Variants in CP observed in about 807,000 individuals in gnomAD.
The protein encoded by CP is caeruloplasmin.
In CP, 64 loss-of-function variants were observed where a neutral mutation model predicts 122.4. That is an observed-to-expected ratio of 0.52 (90% CI 0.43 to 0.64). The LOEUF is 0.64. CP is among the 30% of genes least tolerant of loss of function. The pLI is 0.00. For synonymous variants in CP, 440 were observed against 436.4 expected (o/e 1.01, Z -0.10); for missense variants, 1,167 against 1,284.4 (o/e 0.91, Z 1.40).
Position 149,177,871 on chromosome 3 carries a change from A to T in CP, c.2987T>A (p.Val996Glu). 6.2e-7 allele frequency: 1 copy of T among 1,613,808 alleles called. No individual in the cohort carries two copies. The highest frequency in any genetic ancestry group is 8.5e-7 in the Non-Finnish European group (1 of 1,179,710). Residue 996 changes from valine (V) to glutamate (E), a missense_variant, in exon 17 of 19, where the codon GTA (valine) becomes GAA (glutamate). This residue lies in a region of CP where 525 missense variants were observed against 657.2 expected (regional missense o/e 0.80). Transcript: ENST00000264613. ...TTGGAAGCTATGGCCGTGAAAATGTACAGTGTGTAAGTCTATTTCATTGCC... is the reference window on the plus strand; with the variant it reads ...TTGGAAGCTATGGCCGTGAAAATGTTCAGTGTGTAAGTCTATTTCATTGCC... The part of the protein sequence containing the change: ...GMGNEIDLHT[V>E]HFHGHSFQYK...
intron 9 of CP, among the ~76,000 whole-genome samples, chr3:149,190,895 T>C (rs1322878957): frequency 1.3e-5 from 2 of 152,110 alleles, no homozygotes; most frequent in African/African-American, 4.8e-5. Context: ...AATGAGAAAT[T>C]CTAAATCAAA....
intron 11 of CP, chr3:149,186,202 A>C (rs1405795749): frequency 2.5e-6 from 1 of 397,598 alleles, no homozygotes; most frequent in Non-Finnish European, 4.7e-6. Context: ...TATGGGAGTC[A>C]TTCCCCTTCT....
At chr3:149,197,513 GA>G (rs112132448) in intron 9 of CP, among the ~76,000 whole-genome samples, 402 of 142,634 alleles carry the variant, frequency 2.8e-3, no homozygotes, top group African/African-American at 7.2e-3. Context: ...AAGCAGTCTT[GA>G]AAAAAAAAAA....
chr3:149,174,411 T>C (rs1374705813), intron 18 of CP, among the ~76,000 whole-genome samples: 1 of 152,216 alleles, frequency 6.6e-6, no homozygotes, highest in African/African-American at 2.4e-5. Context: ...TCTATACACG[T>C]CTGTGTGTGT....
rs575336314 is a variant in CP at position 149,196,545 on chromosome 3, T to C, written c.1713+1822A>G. Reference sequence around the variant, plus strand: ...GTTCTGGCTCCGAAAATGTGCAAAATGAGCCTGGTGTCTCGTTATACTAGA... The same window carrying C: ...GTTCTGGCTCCGAAAATGTGCAAAACGAGCCTGGTGTCTCGTTATACTAGA... On this transcript the variant is annotated intron_variant, in intron 9 of 18. Coordinates refer to ENST00000264613, the MANE Select transcript of CP (RefSeq NM_000096.4). Among the ~76,000 whole-genome samples the C allele has an allele frequency of 4.6e-5, 7 of 152,296 alleles. No homozygotes were observed. In the East Asian group the frequency reaches 1.3e-3, roughly 29 times the overall value.
intron 13 of CP, among the ~76,000 whole-genome samples, chr3:149,182,525 A>C (rs1725853476): frequency 6.6e-6 from 1 of 152,082 alleles, no homozygotes; most frequent in South Asian, 2.1e-4. Flanking sequence ...CTAGGGGTTG[A>C]GGATAACCAA....
In CP at chr3:149,188,201, T is replaced by G. The variant is rs1726304295; in HGVS notation, c.1715A>C (p.Lys572Thr). 6.2e-7 allele frequency: 1 copy of G among 1,610,512 alleles called. No homozygotes were observed. Among genetic ancestry groups the G allele is most frequent in the Non-Finnish European group, 8.5e-7 (1 of 1,178,882 alleles). ...KGSLHANGRQ[K>T]DVDKEFYLFP... ...CAAATAGAATTCCTTGTCTACATCT[T>G]TCTGTAAATCAAAACAAAATGAGAT... Residue 572 changes from lysine (K) to threonine (T), a missense_variant and splice_region_variant, in exon 10 of 19, where the codon AAA (lysine) becomes ACA (threonine). By Grantham distance (78) the Lys-to-Thr change is moderately conservative. Transcript: ENST00000264613.
chr3:149,175,589 AC>A (rs1439991876), intron 18 of CP, among the ~76,000 whole-genome samples: 1 of 151,968 alleles, frequency 6.6e-6, no homozygotes, highest in African/African-American at 2.4e-5. Context: ...AACTCGAAAG[AC>A]CCAGGAAAGA....
chr3:149,167,955 G>T, downstream of CP: 1 of 1,592,086 alleles, frequency 6.3e-7, no homozygotes, highest in Non-Finnish European at 8.6e-7. Context: ...GTGGAGAGAA[G>T]TATCAACTCT....
chr3:149,205,544 T>C (rs1210522828), intron 6 of CP, among the ~76,000 whole-genome samples: 1 of 152,000 alleles, frequency 6.6e-6, no homozygotes, highest in African/African-American at 2.4e-5. Context: ...ATACATACAA[T>C]GAAGCATTAT....
intron 18 of CP, chr3:149,175,968 A>G (rs1448989377): frequency 2.7e-6 from 1 of 365,980 alleles, no homozygotes. Flanking sequence ...GGTAAATAAC[A>G]TGACTACTCC....
chr3:149,202,232 C>A lies in CP; in HGVS notation c.1218G>T (p.Ala406=), dbSNP rs17847016. ...ENLTAPGSDS[A]VFFEQGTTRI... ...TTGTGGTACCTTGTTCAAAAAACAC[C>A]GCTGAGTCACTGCAGGGGGAAAAAA... Residue 406 remains alanine, a synonymous_variant, in exon 7 of 19, where the codon GCG becomes GCT. Coordinates refer to ENST00000264613, the MANE Select transcript of CP (RefSeq NM_000096.4). The A allele has an allele frequency of 3.1e-6, 5 of 1,614,108 alleles. No individual in the cohort carries two copies. Among genetic ancestry groups the A allele is most frequent in the East Asian group, 4.5e-5 (2 of 44,874 alleles).
intron 4 of CP, chr3:149,166,981 G>C: frequency 7.4e-7 from 1 of 1,352,054 alleles, no homozygotes; most frequent in Admixed American, 1.7e-5. Flanking sequence ...TGCATGTTGT[G>C]TTTTAGTTTT....
intron 7 of CP, chr3:149,200,105 C>A: frequency 2.0e-6 from 1 of 509,246 alleles, no homozygotes. Flanking sequence ...CATTTTTGTA[C>A]AAGTCAGTTA....
chr3:149,183,521 G>A lies in CP; in HGVS notation c.2370C>T (p.Ser790=), dbSNP rs140641756. The A allele has an allele frequency of 2.5e-6, 4 of 1,611,144 alleles. No homozygotes were observed. The African/African-American group carries it at 5.4e-5, about 22-fold the overall frequency. The change falls in exon 13 of 19, where the codon AGC becomes AGT. Residue 790 remains serine (S), a synonymous_variant. Transcript: ENST00000264613. The part of the protein sequence containing the change: ...KKVVYRQYTD[S]TFRVPVERKA... ...TTCTCTCCACTGGAACACGGAATGT[G>A]CTATCAGTATACTGCCGATACACAA...
intron 15 of CP, 28 bp from the exon 16 acceptor site, chr3:149,178,659 C>T (rs1223145632): frequency 6.7e-7 from 1 of 1,492,200 alleles, no homozygotes; most frequent in East Asian, 2.3e-5. Context: ...CTTCAGTAAC[C>T]CTTGTGAATT....
In CP at chr3:149,212,694, G is replaced by A. The variant is rs150681942; in HGVS notation, c.151C>T (p.His51Tyr). ...EKKLISVDTE[H>Y]SNIYLQNGPD... ...CCATTTTGAAGATAGATATTGGAATGTTCCCTGCAAAGAAAAACAAGACAA... is the reference window on the plus strand; with the variant it reads ...CCATTTTGAAGATAGATATTGGAATATTCCCTGCAAAGAAAAACAAGACAA... The change falls in exon 2 of 19, where the codon CAT (histidine) becomes TAT (tyrosine). Residue 51 changes from histidine to tyrosine, a missense_variant. His to Tyr is a moderately conservative substitution (Grantham distance 83, BLOSUM62 2). This residue lies in a region of CP where 642 missense variants were observed against 627.3 expected (regional missense o/e 1.02). Coordinates refer to ENST00000264613, the MANE Select transcript of CP (RefSeq NM_000096.4). The A allele has an allele frequency of 1.9e-4, 305 of 1,613,322 alleles. No individual in the cohort carries two copies. The highest frequency in any genetic ancestry group is 2.5e-4 in the Non-Finnish European group (294 of 1,179,856).
rs139708442 is a variant in CP, at chr3:149,182,184, A to T, written c.2426-51T>A. 7.3e-5 allele frequency: 117 copies of T among 1,606,670 alleles called. 1 individual carries two copies. The African/African-American group carries it at 1.0e-3, about 14-fold the overall frequency. ...TCCAATCAGAAGGTCTAACTTAGTA[A>T]TAAAAGCAAAGATCAGCAAAGATAA... On this transcript the variant is annotated intron_variant, in intron 13 of 18. Transcript: ENST00000264613.
At chr3:149,199,965 A>G (rs927985303) in intron 7 of CP, 101 bp from the exon 8 acceptor site, 64 of 1,204,750 alleles carry the variant, frequency 5.3e-5, no homozygotes, top group Middle Eastern at 5.1e-4. Context: ...AAGAACTACT[A>G]GGAGCAACAC....
Sources: allele counts gnomAD v4.1 joint callset (sites outside exome capture counted in the v4.1 genomes callset), GRCh38; gene constraint gnomAD v4.1.1; regional missense constraint gnomAD v4.1.1; transcripts MANE v1.5; gene names NCBI Gene and HGNC (gene_info 2026-07-23, HGNC 2026-07-21).